Variants in AUTS2 observed in about 807,000 individuals in gnomAD.
The protein encoded by AUTS2 is activator of transcription and developmental regulator AUTS2, also known as autism susceptibility gene 2 protein.
AUTS2 carries 17 observed loss-of-function variants against 112.4 expected under a neutral mutation model. The observed-to-expected ratio is 0.15, with a 90% CI of 0.10 to 0.23. The LOEUF is 0.23. Ranked by LOEUF, AUTS2 falls within the 10% of genes least tolerant of loss-of-function variation. The pLI, the probability that AUTS2 is intolerant of heterozygous loss-of-function variation, is 1.00. For synonymous variants in AUTS2, 751 were observed against 702.7 expected, an observed-to-expected ratio of 1.07 and a Z score of -1.09; for missense variants, 1,510 against 1,701.6, an observed-to-expected ratio of 0.89 and a Z score of 1.98.
chr7:70,395,517 A>G (rs1482080035), intron 4 of AUTS2, among the ~76,000 whole-genome samples: 1 of 152,248 alleles, frequency 6.6e-6, no homozygotes, highest in Non-Finnish European at 1.5e-5. Context: ...TGATAAAGGA[A>G]GGAAATAAAT....
chr7:70,606,382 A>G (rs974081703), intron 5 of AUTS2, among the ~76,000 whole-genome samples: 1 of 152,202 alleles, frequency 6.6e-6, no homozygotes, highest in Non-Finnish European at 1.5e-5. Context: ...CAATAATTAC[A>G]TTAATGATGA....
intron 6 of AUTS2, among the ~76,000 whole-genome samples, chr7:70,736,874 A>G (rs1787808030): frequency 1.3e-5 from 2 of 152,166 alleles, no homozygotes; most frequent in Non-Finnish European, 2.9e-5. Context: ...TGGAGTCAGA[A>G]ATAGGCTGTC....
chr7:70,303,539 C>T (rs1789343358), intron 4 of AUTS2, among the ~76,000 whole-genome samples: 1 of 152,056 alleles, frequency 6.6e-6, no homozygotes, highest in African/African-American at 2.4e-5. Context: ...TTCCTTTGGC[C>T]ACACTCTGCT....
intron 5 of AUTS2, among the ~76,000 whole-genome samples, chr7:70,672,853 G>A (rs527868785): frequency 8.6e-4 from 131 of 152,170 alleles, no homozygotes; most frequent in African/African-American, 3.0e-3. Context: ...TGCCTGCCTC[G>A]GCCTCCCAAA....
intron 5 of AUTS2, among the ~76,000 whole-genome samples, chr7:70,527,151 C>T (rs1468318476): frequency 2.6e-5 from 4 of 152,198 alleles, no homozygotes; most frequent in African/African-American, 9.7e-5. Context: ...GAGGTGACAT[C>T]GTCTCCAGTG....
chr7:70,408,251 C>T (rs1382865168), intron 4 of AUTS2, among the ~76,000 whole-genome samples: 1 of 151,762 alleles, frequency 6.6e-6, no homozygotes, highest in East Asian at 1.9e-4. Flanking sequence ...TTTTAAATTC[C>T]CAGCACTGGG....
chr7:70,735,299 G>C (rs1335377302), intron 6 of AUTS2, among the ~76,000 whole-genome samples: 2 of 152,216 alleles, frequency 1.3e-5, no homozygotes, highest in Non-Finnish European at 2.9e-5. Flanking sequence ...AAATCGACTT[G>C]TGAAAGGATG....
At chr7:70,317,382 A>G (rs1055602849) in intron 4 of AUTS2, among the ~76,000 whole-genome samples, 3 of 152,194 alleles carry the variant, frequency 2.0e-5, no homozygotes, top group Non-Finnish European at 4.4e-5. Context: ...GTCCAACAAT[A>G]TTACAGGAAT....
chr7:70,035,612 T>G lies in AUTS2; in HGVS notation c.523-82520T>G, dbSNP rs553113897. ...AGTATAAGCAGCACAAAATTAGGCT[T>G]AAGAAACTTAGATTTTAATGTTAGC... On this transcript the variant is annotated intron_variant, in intron 2 of 18. Transcript: ENST00000342771. Among the ~76,000 whole-genome samples the G allele has an allele frequency of 3.9e-5, 6 of 152,358 alleles. No homozygotes were observed. The South Asian group carries it at 1.2e-3, about 32-fold the overall frequency.
intron 2 of AUTS2, among the ~76,000 whole-genome samples, chr7:70,112,748 G>A (rs1805148745): frequency 6.6e-6 from 1 of 151,274 alleles, no homozygotes; most frequent in Middle Eastern, 3.4e-3. Flanking sequence ...GGAGTTCTTT[G>A]TAACTAATAA....
At chr7:69,896,583 C>T (rs1794751432) in intron 1 of AUTS2, among the ~76,000 whole-genome samples, 1 of 151,538 alleles carries the variant, frequency 6.6e-6, no homozygotes, top group Non-Finnish European at 1.5e-5. Flanking sequence ...GCTTGCTACA[C>T]TGTATGTTAG....
At chr7:69,954,507 G>C (rs1187427914) in intron 2 of AUTS2, among the ~76,000 whole-genome samples, 2 of 152,150 alleles carry the variant, frequency 1.3e-5, no homozygotes, top group Non-Finnish European at 2.9e-5. Flanking sequence ...GCAGTGGCAT[G>C]ATCATAGCTC....
chr7:70,659,644 G>A (rs1806962987), intron 5 of AUTS2, among the ~76,000 whole-genome samples: 1 of 152,178 alleles, frequency 6.6e-6, no homozygotes, highest in African/African-American at 2.4e-5. Flanking sequence ...AGACACTGTT[G>A]TGGGACCTGG....
intron 4 of AUTS2, among the ~76,000 whole-genome samples, chr7:70,404,168 G>A (rs1272792025): frequency 6.6e-6 from 1 of 152,180 alleles, no homozygotes. Flanking sequence ...TGGGCAGAGG[G>A]TGTTGTGGAG....
chr7:70,343,053 T>A (rs907523271), intron 4 of AUTS2, among the ~76,000 whole-genome samples: 1 of 152,164 alleles, frequency 6.6e-6, no homozygotes, highest in Non-Finnish European at 1.5e-5. Flanking sequence ...ATTGAACACC[T>A]CTCCAAAAAG....
chr7:69,880,993 G>A (rs891371425), intron 1 of AUTS2, among the ~76,000 whole-genome samples: 5 of 152,184 alleles, frequency 3.3e-5, no homozygotes, highest in Admixed American at 6.5e-5. Flanking sequence ...TTATAAAGAC[G>A]TATGAGTAGA....
intron 1 of AUTS2, among the ~76,000 whole-genome samples, chr7:69,828,592 C>G (rs891893927): frequency 2.0e-5 from 3 of 152,116 alleles, no homozygotes; most frequent in Admixed American, 1.3e-4. Flanking sequence ...TGTATTATAA[C>G]TGATAACTAT....
chr7:70,507,684 C>G (rs1799020843), intron 5 of AUTS2, among the ~76,000 whole-genome samples: 2 of 151,112 alleles, frequency 1.3e-5, no homozygotes, highest in South Asian at 4.2e-4. Flanking sequence ...GTAATCCCAG[C>G]TACTTGGGAG....
chr7:70,757,617 A>G (rs1450321264), intron 6 of AUTS2, among the ~76,000 whole-genome samples: 1 of 151,924 alleles, frequency 6.6e-6, no homozygotes, highest in African/African-American at 2.4e-5. Flanking sequence ...TTAGCAATTT[A>G]TATTTTTTCA....
Sources: allele counts gnomAD v4.1 joint callset (sites outside exome capture counted in the v4.1 genomes callset), GRCh38; gene constraint gnomAD v4.1.1; transcripts MANE v1.5; gene names NCBI Gene and HGNC (gene_info 2026-07-23, HGNC 2026-07-21).